The following NPTXR variants were observed in gnomAD, a reference collection of about 807,000 sequenced individuals.
NPTXR encodes neuronal pentraxin receptor.
Under a neutral mutation model 32.2 loss-of-function variants are expected in NPTXR, and 12 were observed. The ratio of observed to expected loss-of-function variants is 0.37; its 90% CI spans 0.24 to 0.60. The LOEUF is 0.60. NPTXR is among the 20% of genes least tolerant of loss of function. The pLI, the probability that NPTXR is intolerant of heterozygous loss-of-function variation, is 0.66. For synonymous variants in NPTXR, 323 were observed against 315.8 expected, an observed-to-expected ratio of 1.02 and a Z score of -0.24; for missense variants, 612 against 682.9, an observed-to-expected ratio of 0.90 and a Z score of 1.16.
In NPTXR at chr22:38,823,263, C is replaced by T; in HGVS notation, c.1099-1G>A. 5 of 1,610,130 alleles carry T rather than the reference C, an allele frequency of 3.1e-6. No individual in the cohort carries two copies. The highest frequency in any genetic ancestry group is 4.2e-6 in the Non-Finnish European group (5 of 1,179,922). On this transcript the variant is annotated splice_acceptor_variant, in intron 3 of 4. Transcript: ENST00000333039. LOFTEE classifies it high-confidence loss of function. The stretch of plus-strand genomic sequence containing the variant: ...TCAGGCTCAGGGGCAGCTGGGCCAC[C>T]TGGACACAGGTCCCCCAACCCCAGG...
rs193224451 is a variant in NPTXR at position 38,826,674 on chromosome 22, G to A, written c.924C>T (p.Arg308=). 2.2e-5 allele frequency: 36 copies of A among 1,614,166 alleles called. No individual in the cohort carries two copies. In the South Asian group the frequency reaches 2.7e-4, roughly 12 times the overall value. Reference sequence around the variant, plus strand: ...AGAGCTCGGGCAGAGCCTTCCGCACGCGGGCGTACATGTAGTTGTTACGGA... The same window carrying A: ...AGAGCTCGGGCAGAGCCTTCCGCACACGGGCGTACATGTAGTTGTTACGGA... Residue 308 remains arginine, a synonymous_variant, in exon 3 of 5, where the codon CGC becomes CGT. Transcript: ENST00000333039.
chr22:38,837,699 G>C (rs937297020), intron 1 of NPTXR, among the ~76,000 whole-genome samples: 1 of 152,084 alleles, frequency 6.6e-6, no homozygotes, highest in Admixed American at 6.5e-5. Flanking sequence ...AGCCTAAGGG[G>C]ACTGGGACTT....
chr22:38,822,935 C>T, intron 4 of NPTXR, 102 bp from the exon 5 acceptor site: 1 of 1,422,538 alleles, frequency 7.0e-7, no homozygotes, highest in African/African-American at 1.4e-5. Context: ...GGCAGCCCCA[C>T]CTTCAACCCC....
chr22:38,843,448 C>A lies in NPTXR; in HGVS notation c.411G>T (p.Ala137=). 1 of 1,366,346 alleles carries A rather than the reference C, an allele frequency of 7.3e-7. No individual in the cohort carries two copies. The highest frequency in any genetic ancestry group is 9.4e-7 in the Non-Finnish European group (1 of 1,065,762). 84.6% of individuals were successfully genotyped at this position (1,366,346 alleles called of 1,614,324 possible). Reference sequence around the variant, plus strand: ...CGCGGATGCGCGCCTCCTGCTGCAGCGCCGTCTGGCGCAGCTGCTCGGCCG... The same window carrying A: ...CGCGGATGCGCGCCTCCTGCTGCAGAGCCGTCTGGCGCAGCTGCTCGGCCG... Residue 137 remains alanine, a synonymous_variant, in exon 1 of 5, where the codon GCG becomes GCT. Coordinates refer to ENST00000333039, the MANE Select transcript of NPTXR (RefSeq NM_014293.4). This position sits in a 1 kb window ranked among gnomAD's most constrained non-coding sequence, Gnocchi z 5.3.
intron 1 of NPTXR, among the ~76,000 whole-genome samples, chr22:38,840,820 G>A (rs989615200): frequency 2.6e-5 from 4 of 152,086 alleles, no homozygotes; most frequent in Non-Finnish European, 5.9e-5. Flanking sequence ...ATGCCTTAAA[G>A]GAGGAGGACC....
intron 1 of NPTXR, among the ~76,000 whole-genome samples, chr22:38,841,048 G>A (rs560638105): frequency 7.2e-5 from 11 of 152,352 alleles, no homozygotes; most frequent in Non-Finnish European, 1.5e-4. Flanking sequence ...AGGAGACCCT[G>A]AAAATCTGGG....
At chr22:38,833,467 C>T (rs755724909) in intron 1 of NPTXR, among the ~76,000 whole-genome samples, 7 of 152,198 alleles carry the variant, frequency 4.6e-5, no homozygotes, top group Admixed American at 2.0e-4. Context: ...ACCTGGGCTT[C>T]ACCAGCTGAG....
chr22:38,828,473 C>T lies in NPTXR; in HGVS notation c.664G>A (p.Ala222Thr). The T allele has an allele frequency of 6.2e-7, 1 of 1,605,686 alleles. No homozygotes were observed. The highest frequency in any genetic ancestry group is 8.5e-7 in the Non-Finnish European group (1 of 1,176,976). The change falls in exon 2 of 5, where the codon GCC (alanine) becomes ACC (threonine). Residue 222 changes from alanine (A) to threonine (T), a missense_variant. Physicochemically the swap from Ala to Thr is moderately conservative, Grantham distance 58. Coordinates refer to ENST00000333039, the MANE Select transcript of NPTXR (RefSeq NM_014293.4). Reference sequence around the variant, plus strand: ...CCGGTGGGCACAGCAGAGACTGGGGCTGGGGCAGCTGAGAGGTTCACACGG... The same window carrying T: ...CCGGTGGGCACAGCAGAGACTGGGGTTGGGGCAGCTGAGAGGTTCACACGG...
Position 38,823,168 on chromosome 22 carries a change from T to A in NPTXR, c.1193A>T (p.Asp398Val). 6.2e-7 allele frequency: 1 copy of A among 1,614,138 alleles called. No homozygotes were observed. Among genetic ancestry groups the A allele is most frequent in the Non-Finnish European group, 8.5e-7 (1 of 1,180,014 alleles). ...CTCACCGGAGCCCTGCAGCTCCCCGTCCTGGTAGGCAGACCATAGGCCATC... is the reference window on the plus strand; with the variant it reads ...CTCACCGGAGCCCTGCAGCTCCCCGACCTGGTAGGCAGACCATAGGCCATC... The change falls in exon 4 of 5, where the codon GAC becomes GTC. Residue 398 changes from aspartate (D) to valine (V), a missense_variant. Asp to Val is a radical substitution (Grantham distance 152). Coordinates refer to ENST00000333039, the MANE Select transcript of NPTXR (RefSeq NM_014293.4).
At chr22:38,825,171 C>T (rs2093104442) in intron 3 of NPTXR, among the ~76,000 whole-genome samples, 1 of 152,200 alleles carries the variant, frequency 6.6e-6, no homozygotes, top group Admixed American at 6.5e-5. Flanking sequence ...TGTCCTTGTC[C>T]TGCCTTCCAG....
At chr22:38,828,643 G>T in intron 1 of NPTXR, 131 bp from the exon 2 acceptor site, 1 of 681,910 alleles carries the variant, frequency 1.5e-6, no homozygotes, top group Non-Finnish European at 2.5e-6. Flanking sequence ...AAATGGGAAT[G>T]ACAATGGCCA....
At chr22:38,835,304 C>T (rs1983433434) in intron 1 of NPTXR, among the ~76,000 whole-genome samples, 1 of 152,200 alleles carries the variant, frequency 6.6e-6, no homozygotes, top group South Asian at 2.1e-4. Flanking sequence ...GTCAGGAAGC[C>T]TTCTCAGAGA....
intron 2 of NPTXR, among the ~76,000 whole-genome samples, chr22:38,827,541 T>A (rs1356095803): frequency 6.6e-6 from 1 of 152,176 alleles, no homozygotes; most frequent in Non-Finnish European, 1.5e-5. Context: ...GGCCTGGATT[T>A]TCTTCTCCTG....
In NPTXR at chr22:38,843,192, T is replaced by C; in HGVS notation, c.624+43A>G. 7.8e-7 allele frequency: 1 copy of C among 1,279,706 alleles called. No individual in the cohort carries two copies. Among genetic ancestry groups the C allele is most frequent in the Non-Finnish European group, 9.8e-7 (1 of 1,016,052 alleles). The allele number at this position is 1,279,706 out of a possible 1,614,324, so 79.3% of individuals were successfully genotyped here. A position where few individuals can be genotyped will look rare whatever the true frequency, so the allele number is the denominator to read the frequency against. On this transcript the variant is annotated intron_variant, in intron 1 of 4. Transcript: ENST00000333039. This position sits in a 1 kb window ranked among gnomAD's most constrained non-coding sequence, Gnocchi z 5.3. ...CGGACGACCGCGGCCGGGCGGCCCC[T>C]CACACCACCCGGGCGGCTCCCCCGA...
At chr22:38,842,933 T>C (rs2093133655) in intron 1 of NPTXR, among the ~76,000 whole-genome samples, 1 of 152,220 alleles carries the variant, frequency 6.6e-6, no homozygotes, top group African/African-American at 2.4e-5. Flanking sequence ...TGATTCAATT[T>C]CCACTACAAG....
At chr22:38,842,303 C>G (rs562228960) in intron 1 of NPTXR, among the ~76,000 whole-genome samples, 2 of 152,330 alleles carry the variant, frequency 1.3e-5, no homozygotes, top group East Asian at 1.9e-4. Context: ...TTGCTTAACC[C>G]CCTTCCTTGT....
In NPTXR at chr22:38,826,537, G is replaced by A. The variant is rs375259496; in HGVS notation, c.1061C>T (p.Ala354Val). 1.5e-5 allele frequency: 25 copies of A among 1,613,552 alleles called. No homozygotes were observed. The highest frequency in any genetic ancestry group is 1.1e-4 in the East Asian group (5 of 44,884). Residue 354 changes from alanine (A) to valine (V), a missense_variant, in exon 3 of 5, where the codon GCG (alanine) becomes GTG (valine). Coordinates refer to ENST00000333039, the MANE Select transcript of NPTXR (RefSeq NM_014293.4). ...CAGCAGCTCCATGGGCTCATGGCCC[G>A]CCTCTAGCAGTACAATCTCGTTGGC...
intron 3 of NPTXR, among the ~76,000 whole-genome samples, chr22:38,824,087 C>T (rs1362913645): frequency 6.6e-6 from 1 of 151,904 alleles, no homozygotes; most frequent in Non-Finnish European, 1.5e-5. Context: ...AGCAATTCTC[C>T]TCCCTCAGCC....
chr22:38,833,967 G>A (rs2093120320), intron 1 of NPTXR, among the ~76,000 whole-genome samples: 1 of 152,164 alleles, frequency 6.6e-6, no homozygotes, highest in Non-Finnish European at 1.5e-5. Context: ...GCAGGGGCCT[G>A]GGTAGTAGTA....
Sources: allele counts gnomAD v4.1 joint callset (sites outside exome capture counted in the v4.1 genomes callset), GRCh38; gene constraint gnomAD v4.1.1; non-coding constraint Gnocchi (gnomAD v3.1); transcripts MANE v1.5; gene names NCBI Gene and HGNC (gene_info 2026-07-23, HGNC 2026-07-21).